Variants in EMP1 observed in about 807,000 individuals in gnomAD.
The protein encoded by EMP1 is epithelial membrane protein 1, also known as tumor-associated membrane protein.
In EMP1, 5 loss-of-function variants were observed where a neutral mutation model predicts 15.7. The observed-to-expected ratio is 0.32, with a 90% CI of 0.17 to 0.67. The LOEUF (loss-of-function observed/expected upper bound fraction) is 0.67. Among genes scored for constraint, EMP1 ranks in the 30% least tolerant of loss-of-function variants. The pLI is 0.74. For synonymous variants in EMP1, 78 were observed against 76.7 expected (o/e 1.02, Z -0.09); for missense variants, 166 against 194.2 (o/e 0.85, Z 0.86).
intron 1 of EMP1, among the ~76,000 whole-genome samples, chr12:13,205,803 G>T (rs950913030): frequency 1.3e-5 from 2 of 152,210 alleles, no homozygotes; most frequent in Admixed American, 1.3e-4. Context: ...TAGGATTTTA[G>T]CTTGGTTGAA....
rs1864165990 is a variant in EMP1 at position 13,211,652 on chromosome 12, A to G, written c.78+64A>G. 1 of 1,589,916 alleles carries G rather than the reference A, an allele frequency of 6.3e-7. No homozygotes were observed. The highest frequency in any genetic ancestry group is 1.1e-5 in the South Asian group (1 of 89,922). On this transcript the variant is annotated intron_variant, in intron 2 of 4. Coordinates refer to ENST00000256951, the MANE Select transcript of EMP1 (RefSeq NM_001423.3). This position sits in a 1 kb window ranked among gnomAD's most constrained non-coding sequence, Gnocchi z 4.7. ...TCATTCGAATATTTACATCAAGTGC[A>G]CAAAAGAAGTTTAAGCCACAGCCCT...
Position 13,211,600 on chromosome 12 carries a change from T to C in EMP1, c.78+12T>C. 2 of 1,612,394 alleles carry C rather than the reference T, an allele frequency of 1.2e-6. No homozygotes were observed. Among genetic ancestry groups the C allele is most frequent in the Non-Finnish European group, 1.7e-6 (2 of 1,179,288 alleles). On this transcript the variant is annotated intron_variant, in intron 2 of 4. Transcript: ENST00000256951. The surrounding 1 kb of genome is among the most constrained non-coding windows in gnomAD (Gnocchi z 4.7). Reference sequence around the variant, plus strand: ...GCACCATTGCCAATGTGAGTAATGTTCTTTTGTTCATTCATTCATTGAGAA... The same window carrying C: ...GCACCATTGCCAATGTGAGTAATGTCCTTTTGTTCATTCATTCATTGAGAA...
rs1391083483 is a variant in EMP1 at position 13,216,001 on chromosome 12, G to A, written c.*1310G>A. ...CAGATCTTTTCTTTAAAATAAAAAA[G>A]CAAAAACTCTTGTGGTACCTAGTCA... is the stretch of plus-strand genomic sequence containing the variant. On this transcript the variant is annotated 3_prime_UTR_variant, in exon 5 of 5. Transcript: ENST00000256951. 7.1e-5 allele frequency: 12 copies of A among 169,124 alleles called. No individual in the cohort carries two copies. In the East Asian group the frequency reaches 2.0e-3, roughly 28 times the overall value. 10.5% of individuals were successfully genotyped at this position (169,124 alleles called of 1,614,324 possible).
intron 1 of EMP1, chr12:13,209,197 G>GT (rs1864141599): frequency 6.6e-6 from 1 of 152,204 alleles, no homozygotes; most frequent in Non-Finnish European, 1.5e-5. Context: ...ATAAGTATTC[G>GT]TTATGTAATA....
In EMP1 at chr12:13,214,945, A is replaced by C. The variant is rs1864201028; in HGVS notation, c.*254A>C. 5.2e-5 allele frequency: 22 copies of C among 421,098 alleles called. No individual in the cohort carries two copies. Among genetic ancestry groups the C allele is most frequent in the Middle Eastern group, 7.2e-4 (1 of 1,392 alleles). The allele number at this position is 421,098 out of a possible 1,614,324, so 26.1% of individuals were successfully genotyped here. On this transcript the variant is annotated 3_prime_UTR_variant, in exon 5 of 5. Coordinates refer to ENST00000256951, the MANE Select transcript of EMP1 (RefSeq NM_001423.3). The stretch of plus-strand genomic sequence containing the variant: ...CAGAGAGCCTCCCTGCAGCCACCAG[A>C]CTTGGCCTCCAGCTGTTCTTAGTGA...
At chr12:13,208,603 A>C (rs372810244) in intron 1 of EMP1, among the ~76,000 whole-genome samples, 72 of 152,354 alleles carry the variant, frequency 4.7e-4, no homozygotes, top group African/African-American at 1.7e-3. Context: ...GAAAAGATGG[A>C]GAAGTTGTAG....
intron 1 of EMP1, among the ~76,000 whole-genome samples, chr12:13,202,296 T>A (rs1218404622): frequency 6.6e-6 from 1 of 152,212 alleles, no homozygotes; most frequent in Non-Finnish European, 1.5e-5. Flanking sequence ...TTGACACCTC[T>A]TTGGTATCAT....
At position 13,213,695 on chromosome 12, in the gene EMP1, G is replaced by A; in HGVS notation, c.190G>A (p.Val64Met). 6.2e-7 allele frequency: 1 copy of A among 1,614,214 alleles called. No homozygotes were observed. Residue 64 changes from valine to methionine, a missense_variant, in exon 4 of 5, where the codon GTG becomes ATG. Transcript: ENST00000256951. Reference sequence around the variant, plus strand: ...TGTGTCTACAGATGCCCTCAAGACAGTGCAGGCCTTCATGATTCTCTCTAT... The same window carrying A: ...TGTGTCTACAGATGCCCTCAAGACAATGCAGGCCTTCATGATTCTCTCTAT... ...SYASEDALKT[V>M]QAFMILSIIF...
At chr12:13,214,392 C>A in intron 4 of EMP1, 142 bp from the exon 5 acceptor site, 1 of 1,197,500 alleles carries the variant, frequency 8.4e-7, no homozygotes, top group Non-Finnish European at 1.2e-6. Context: ...GGACATCCAT[C>A]AGAACTCCTG....
Position 13,211,212 on chromosome 12 carries a change from A to G in EMP1, c.-42-257A>G, listed in dbSNP as rs930677950. On this transcript the variant is annotated intron_variant, in intron 1 of 4. Coordinates refer to ENST00000256951, the MANE Select transcript of EMP1 (RefSeq NM_001423.3). This position sits in a 1 kb window ranked among gnomAD's most constrained non-coding sequence, Gnocchi z 4.7. ...TTGTTCCTTTTTTGAAATAGAATGT[A>G]TTAGAGAAATGAATATGTAAATACC... is the stretch of plus-strand genomic sequence containing the variant. Among the ~76,000 whole-genome samples the G allele has an allele frequency of 1.3e-5, 2 of 152,360 alleles. No individual in the cohort carries two copies. The highest frequency in any genetic ancestry group is 2.4e-5 in the African/African-American group (1 of 41,584).
At chr12:13,212,179 G>T (rs1864170545) in intron 2 of EMP1, among the ~76,000 whole-genome samples, 1 of 152,078 alleles carries the variant, frequency 6.6e-6, no homozygotes, top group East Asian at 1.9e-4. Flanking sequence ...GATTAACCCA[G>T]TGCCACTGAA....
In EMP1 at chr12:13,217,310, G is replaced by A. The variant is rs527863221; in HGVS notation, c.*2619G>A. ...GACTGGATAAAGACTGCATATCCTT[G>A]TGTCGTGTCAGCACCAATACAATAA... On this transcript the variant is annotated 3_prime_UTR_variant, in exon 5 of 5. Transcript: ENST00000256951. 9 of 152,312 alleles carry A rather than the reference G, an allele frequency of 5.9e-5. No individual in the cohort carries two copies. Among genetic ancestry groups the A allele is most frequent in the African/African-American group, 2.2e-4 (9 of 41,558 alleles). 9.4% of individuals were successfully genotyped at this position (152,312 alleles called of 1,614,324 possible).
At chr12:13,209,230 C>G (rs985438823) in intron 1 of EMP1, 15 of 152,214 alleles carry the variant, frequency 9.9e-5, no homozygotes, top group African/African-American at 3.6e-4. Flanking sequence ...TGCAATCAGC[C>G]TGTTCCTTTC....
At chr12:13,204,664 G>A (rs1864095532) in intron 1 of EMP1, among the ~76,000 whole-genome samples, 1 of 152,192 alleles carries the variant, frequency 6.6e-6, no homozygotes, top group Non-Finnish European at 1.5e-5. Context: ...CTGACTCATG[G>A]GGGTCAGTTG....
At chr12:13,212,291 A>G (rs900739488) in intron 2 of EMP1, among the ~76,000 whole-genome samples, 1 of 152,144 alleles carries the variant, frequency 6.6e-6, no homozygotes, top group Non-Finnish European at 1.5e-5. Flanking sequence ...ACAGCGCCCA[A>G]TTTGCTTTTA....
rs191424390 is a variant in EMP1, at chr12:13,207,174, C to T, written c.-42-4295C>T. On this transcript the variant is annotated intron_variant, in intron 1 of 4. Coordinates refer to ENST00000256951, the MANE Select transcript of EMP1 (RefSeq NM_001423.3). ...TTGCCCAGGCTGGAGTGCAATGGAG[C>T]GATCTTGGCTTTTTGCAACCTCCGC... Among the ~76,000 whole-genome samples, 548 of 152,114 alleles carry T rather than the reference C, an allele frequency of 3.6e-3. 3 individuals are homozygous for T. Among genetic ancestry groups the T allele is most frequent in the African/African-American group, 7.4e-3 (305 of 41,492 alleles).
chr12:13,210,126 G>T (rs1864151566), intron 1 of EMP1, among the ~76,000 whole-genome samples: 1 of 152,174 alleles, frequency 6.6e-6, no homozygotes, highest in South Asian at 2.1e-4. Flanking sequence ...GAGATAAAAG[G>T]CATGTGAAGT....
chr12:13,213,477 AGGTCT>A lies in EMP1; in HGVS notation c.81_85del (p.Trp28GlyfsTer19). 6.2e-7 allele frequency: 1 copy of A among 1,613,804 alleles called. No homozygotes were observed. The highest frequency in any genetic ancestry group is 2.2e-5 in the East Asian group (1 of 44,882). ...TAACATTTTCTTTCCTTCTGGTTTC[AGGTCT>A]GGTTGGTTTCCAATACGGTAGATGC... On this transcript the variant is annotated splice_acceptor_variant and coding_sequence_variant, in exon 3 of 5. Transcript: ENST00000256951. LOFTEE classifies it high-confidence loss of function.
intron 2 of EMP1, 75 bp from the exon 3 acceptor site, chr12:13,213,404 C>A: frequency 7.4e-7 from 1 of 1,345,884 alleles, no homozygotes; most frequent in Non-Finnish European, 1.1e-6. Context: ...GATCCCGATG[C>A]AAGCTGATTT....
Sources: allele counts gnomAD v4.1 joint callset (sites outside exome capture counted in the v4.1 genomes callset), GRCh38; gene constraint gnomAD v4.1.1; non-coding constraint Gnocchi (gnomAD v3.1); transcripts MANE v1.5; gene names NCBI Gene and HGNC (gene_info 2026-07-23, HGNC 2026-07-21).